Variants in ANO2 observed in about 807,000 individuals in gnomAD.
ANO2 encodes anoctamin 2, also known as anoctamin-2.
Under a neutral mutation model 124.2 loss-of-function variants are expected in ANO2, and 101 were observed. That is an observed-to-expected ratio of 0.81 (90% CI 0.69 to 0.96). ANO2 has a LOEUF of 0.96. ANO2 is among the 40% of genes least tolerant of loss of function. ANO2 has a pLI of 0.00. For missense variants in ANO2, 1,293 were observed against 1,274.5 expected, an observed-to-expected ratio of 1.01 and a Z score of -0.22; for synonymous variants, 486 against 482.5, an observed-to-expected ratio of 1.01 and a Z score of -0.09.
At chr12:5,583,584 C>T (rs929380914) in intron 20 of ANO2, among the ~76,000 whole-genome samples, 12 of 119,716 alleles carry the variant, frequency 1.0e-4, no homozygotes, top group African/African-American at 3.2e-5. Context: ...ACCTGGGAGG[C>T]GGAGCTTGCA....
chr12:5,640,816 C>T (rs1409246878), intron 15 of ANO2, among the ~76,000 whole-genome samples: 6 of 152,114 alleles, frequency 3.9e-5, no homozygotes, highest in African/African-American at 9.7e-5. Context: ...GACAGTGTGG[C>T]GATTCCTCAA....
At chr12:5,772,384 C>T (rs1427314611) in intron 10 of ANO2, among the ~76,000 whole-genome samples, 5 of 152,208 alleles carry the variant, frequency 3.3e-5, no homozygotes, top group Admixed American at 3.3e-4. Context: ...CACAGAAGTC[C>T]TTGCCGTAGT....
chr12:5,751,902 G>T (rs571570409), intron 10 of ANO2, among the ~76,000 whole-genome samples: 13 of 133,292 alleles, frequency 9.8e-5, no homozygotes, highest in African/African-American at 1.5e-4. Flanking sequence ...TGCAGCCCCT[G>T]TTAACCACTA....
intron 14 of ANO2, among the ~76,000 whole-genome samples, chr12:5,719,661 T>C (rs1950150236): frequency 6.6e-6 from 1 of 152,218 alleles, no homozygotes; most frequent in South Asian, 2.1e-4. Context: ...GATCTTAGCC[T>C]TCCCAGCCTC....
intron 10 of ANO2, among the ~76,000 whole-genome samples, chr12:5,752,576 C>G (rs1418471200): frequency 1.3e-5 from 2 of 151,894 alleles, no homozygotes; most frequent in African/African-American, 4.8e-5. Context: ...TTGTGTGTTT[C>G]TTTGTTTTGC....
Position 5,701,162 on chromosome 12 carries a change from C to T in ANO2, c.1545+31358G>A, listed in dbSNP as rs145367504. Among the ~76,000 whole-genome samples, 508 of 139,038 alleles carry T rather than the reference C, an allele frequency of 3.7e-3. 7 individuals carry two copies. The highest frequency in any genetic ancestry group is 0.013 in the African/African-American group (491 of 37,028). The allele number at this position is 139,038 out of a possible 152,430, so 91.2% of individuals were successfully genotyped here. The stretch of plus-strand genomic sequence containing the variant: ...GGGCAGGGTGACCAGGAACTAGTCA[C>T]TCAAGCTCTCTGTTAATTTCCTCAT... On this transcript the variant is annotated intron_variant, in intron 14 of 24. Coordinates refer to ENST00000682330, the MANE Select transcript of ANO2 (RefSeq NM_001364791.2).
intron 17 of ANO2, among the ~76,000 whole-genome samples, chr12:5,613,744 G>A (rs183257518): frequency 8.5e-5 from 13 of 152,274 alleles, no homozygotes; most frequent in Admixed American, 1.3e-4. Context: ...ATCACTTACT[G>A]GATAGAATCA....
intron 3 of ANO2, among the ~76,000 whole-genome samples, chr12:5,857,173 A>T (rs1157598612): frequency 1.3e-5 from 2 of 152,002 alleles, no homozygotes; most frequent in African/African-American, 2.4e-5. Context: ...CTTTAAAATA[A>T]TTTTTTCCTT....
At chr12:5,798,830 C>T (rs896837356) in intron 10 of ANO2, among the ~76,000 whole-genome samples, 5 of 152,212 alleles carry the variant, frequency 3.3e-5, no homozygotes, top group African/African-American at 9.6e-5. Context: ...ACAGTGCTGC[C>T]GCCCAACATT....
At chr12:5,756,157 G>C (rs1170353241) in intron 10 of ANO2, among the ~76,000 whole-genome samples, 1 of 151,770 alleles carries the variant, frequency 6.6e-6, no homozygotes, top group Admixed American at 6.6e-5. Flanking sequence ...TCTGTATTAA[G>C]TTTTTTAGTT....
chr12:5,946,128 G>C (rs200397783), upstream of ANO2: 1 of 1,612,972 alleles, frequency 6.2e-7, no homozygotes, highest in Admixed American at 1.7e-5. The surrounding 1 kb of genome is among the most constrained non-coding windows in gnomAD (Gnocchi z 4.1). Flanking sequence ...TTAAGGTCAA[G>C]TATGCCATTT....
At chr12:5,570,346 G>A (rs2136827295) in intron 23 of ANO2, among the ~76,000 whole-genome samples, 1 of 152,256 alleles carries the variant, frequency 6.6e-6, no homozygotes, top group Non-Finnish European at 1.5e-5. Context: ...AAGGATGCCT[G>A]GGGTTGGGCA....
intron 21 of ANO2, 116 bp downstream of exon 21, chr12:5,578,250 C>T: frequency 1.4e-6 from 2 of 1,441,546 alleles, no homozygotes; most frequent in South Asian, 1.4e-5. Context: ...ATGAGGGACC[C>T]AAAGGGAAGA....
intron 3 of ANO2, among the ~76,000 whole-genome samples, chr12:5,920,040 G>T (rs1336828490): frequency 2.6e-5 from 2 of 75,858 alleles, no homozygotes; most frequent in Non-Finnish European, 6.0e-5. Flanking sequence ...TGGATAAATG[G>T]ATGGATGGAT....
chr12:5,669,857 C>T (rs113241238), intron 14 of ANO2, among the ~76,000 whole-genome samples: 14,688 of 152,228 alleles, frequency 0.096, 901 homozygotes, highest in African/African-American at 0.17. Flanking sequence ...TGATCTTACT[C>T]ACCTTTCACT....
At chr12:5,633,116 C>T (rs1257327002) in intron 16 of ANO2, among the ~76,000 whole-genome samples, 1 of 152,192 alleles carries the variant, frequency 6.6e-6, no homozygotes, top group Non-Finnish European at 1.5e-5. Context: ...CTTGTCTTCC[C>T]CCAGCTCAAC....
intron 10 of ANO2, among the ~76,000 whole-genome samples, chr12:5,782,433 T>C (rs531140001): frequency 6.6e-6 from 1 of 152,246 alleles, no homozygotes; most frequent in Non-Finnish European, 1.5e-5. Context: ...TTATACTTAA[T>C]GTAATTATCA....
chr12:5,717,965 C>T (rs1334638301), intron 14 of ANO2, among the ~76,000 whole-genome samples: 1 of 152,178 alleles, frequency 6.6e-6, no homozygotes, highest in African/African-American at 2.4e-5. Flanking sequence ...CATGGGCAGG[C>T]TTCTTTCTTT....
At chr12:5,706,341 C>T (rs775493686) in intron 14 of ANO2, among the ~76,000 whole-genome samples, 15 of 152,020 alleles carry the variant, frequency 9.9e-5, no homozygotes, top group Admixed American at 3.9e-4. Flanking sequence ...CAGATCTCAT[C>T]CCCTCCCCAC....
Sources: allele counts gnomAD v4.1 joint callset (sites outside exome capture counted in the v4.1 genomes callset), GRCh38; gene constraint gnomAD v4.1.1; non-coding constraint Gnocchi (gnomAD v3.1); transcripts MANE v1.5; gene names NCBI Gene and HGNC (gene_info 2026-07-23, HGNC 2026-07-21).